Variants in ZNF536 observed in about 807,000 individuals in gnomAD.
The protein encoded by ZNF536 is zinc finger protein 536.
A neutral mutation model predicts 84.5 loss-of-function variants in ZNF536; 13 were observed. The observed-to-expected ratio is 0.15, with a 90% CI of 0.10 to 0.24. The LOEUF (loss-of-function observed/expected upper bound fraction) is 0.24, where lower values mean the gene tolerates loss of function less well. Ranked by LOEUF, ZNF536 falls within the 10% of genes least tolerant of loss-of-function variation. The probability of loss-of-function intolerance (pLI) is 1.00; values close to 1 mark genes in which losing one functional copy is unlikely to be tolerated. For synonymous variants in ZNF536, 811 were observed against 742.5 expected, an observed-to-expected ratio of 1.09 and a Z score of -1.50; for missense variants, 1,536 against 1,747.5, an observed-to-expected ratio of 0.88 and a Z score of 2.16.
At chr19:30,667,213 C>A (rs540210477) in intron 1 of ZNF536, among the ~76,000 whole-genome samples, 1 of 152,340 alleles carries the variant, frequency 6.6e-6, no homozygotes, top group African/African-American at 2.4e-5. Flanking sequence ...CTGTCTCCAT[C>A]TGAATTCATT....
At chr19:30,405,709 C>T (rs1272698526) in intron 1 of ZNF536, among the ~76,000 whole-genome samples, 2 of 152,110 alleles carry the variant, frequency 1.3e-5, no homozygotes, top group African/African-American at 2.4e-5. Flanking sequence ...TCCACCTTTG[C>T]ATCCTGCCTA....
At chr19:30,571,253 TC>T (rs1205948572) in intron 1 of ZNF536, among the ~76,000 whole-genome samples, 2 of 152,178 alleles carry the variant, frequency 1.3e-5, no homozygotes, top group African/African-American at 4.8e-5. Context: ...TCAAGCTGTG[TC>T]CCCAGTAGAG....
intron 1 of ZNF536, among the ~76,000 whole-genome samples, chr19:30,669,216 G>C (rs1324897551): frequency 6.6e-6 from 1 of 152,234 alleles, no homozygotes; most frequent in African/African-American, 2.4e-5. Flanking sequence ...GAAATGACAC[G>C]ACCTGCAGCT....
intron 2 of ZNF536, among the ~76,000 whole-genome samples, chr19:30,484,794 C>A (rs1369786891): frequency 6.6e-6 from 1 of 151,070 alleles, no homozygotes; most frequent in African/African-American, 2.4e-5. Context: ...AACATCTCTT[C>A]TTTGTTATAA....
intron 3 of ZNF536, among the ~76,000 whole-genome samples, chr19:30,352,822 C>G (rs1277568274): frequency 6.6e-6 from 1 of 152,210 alleles, no homozygotes; most frequent in Non-Finnish European, 1.5e-5. Context: ...AAGTTTTCTT[C>G]TGAGATAAAG....
rs1158403819 is a variant in ZNF536, at chr19:30,228,947, G to T, written c.-190+274G>T. Among the ~76,000 whole-genome samples, 1 of 151,650 alleles carries T rather than the reference G, an allele frequency of 6.6e-6. No individual in the cohort carries two copies. Among genetic ancestry groups the T allele is most frequent in the East Asian group, 1.9e-4 (1 of 5,166 alleles). ...GAGACTCGGGAGGCGATCTTGGGGG[G>T]CGCGCGGTCGCAGTTGGGCATCTTG... On this transcript the variant is annotated intron_variant, in intron 1 of 5. Coordinates refer to the ZNF536 transcript ENST00000585628. This position sits in a 1 kb window ranked among gnomAD's most constrained non-coding sequence, Gnocchi z 4.5.
intron 2 of ZNF536, among the ~76,000 whole-genome samples, chr19:30,474,177 A>G (rs543214284): frequency 1.3e-5 from 2 of 152,260 alleles, no homozygotes; most frequent in South Asian, 4.1e-4. Context: ...TGTTTAGTGG[A>G]TGTTGACGCC....
rs149698556 is a variant in ZNF536 at position 30,451,487 on chromosome 19, G to A, written c.2170+5755G>A. On this transcript the variant is annotated intron_variant, in intron 2 of 4. Transcript: ENST00000355537. ...CCCTTTACATGGAGCCATAAATCCCGCTTCTCCGGGGCTGCTTGATGCCAG... is the reference window on the plus strand; with the variant it reads ...CCCTTTACATGGAGCCATAAATCCCACTTCTCCGGGGCTGCTTGATGCCAG... Among the ~76,000 whole-genome samples, 145 of 152,298 alleles carry A rather than the reference G, an allele frequency of 9.5e-4. 5 individuals are homozygous for A. The highest frequency in any genetic ancestry group is 3.4e-3 in the African/African-American group (140 of 41,566).
At chr19:30,458,018 C>T (rs772680077) in intron 2 of ZNF536, among the ~76,000 whole-genome samples, 5 of 152,140 alleles carry the variant, frequency 3.3e-5, no homozygotes, top group South Asian at 4.1e-4. Flanking sequence ...AGTCAATTGC[C>T]CTTTATCTTC....
chr19:30,386,980 C>T (rs2049370046), intron 1 of ZNF536, among the ~76,000 whole-genome samples: 1 of 152,328 alleles, frequency 6.6e-6, no homozygotes, highest in South Asian at 2.1e-4. Context: ...TAAGATAACA[C>T]ATTGACATCT....
At chr19:30,619,874 C>A (rs1408007283) in intron 1 of ZNF536, among the ~76,000 whole-genome samples, 2 of 152,164 alleles carry the variant, frequency 1.3e-5, no homozygotes, top group Non-Finnish European at 2.9e-5. Context: ...CCAATAGGTG[C>A]CAGGCAAGTG....
intron 1 of ZNF536, among the ~76,000 whole-genome samples, chr19:30,388,284 T>C (rs1568382045): frequency 6.6e-6 from 1 of 152,174 alleles, no homozygotes; most frequent in Non-Finnish European, 1.5e-5. Flanking sequence ...TTCTGGGTCT[T>C]GGTGCTGTTG....
At chr19:30,691,718 AAGGCATCATCAG>A (rs1397273244) in intron 1 of ZNF536, among the ~76,000 whole-genome samples, 48 of 152,290 alleles carry the variant, frequency 3.2e-4, no homozygotes, top group African/African-American at 1.1e-3. Flanking sequence ...AGGGCTTCAG[AAGGCATCATCAG>A]AGTTTTAAAA....
At position 30,592,527 on chromosome 19, in the gene ZNF536, G is replaced by T. The variant is rs143709806; in HGVS notation, c.169+43013G>T. ...TCTTTATTTTTGTCAAGCTAAAGAT[G>T]CAGATTATCAGATAAGCAGCACACC... On this transcript the variant is annotated intron_variant, in intron 1 of 1. Coordinates refer to the ZNF536 transcript ENST00000592773. Among the ~76,000 whole-genome samples the T allele has an allele frequency of 1.7e-3, 262 of 152,274 alleles. 3 individuals are homozygous for T. Among genetic ancestry groups the T allele is most frequent in the Middle Eastern group, 6.8e-3 (2 of 294 alleles).
Position 30,574,746 on chromosome 19 carries a change from G to A in ZNF536, c.169+25232G>A, listed in dbSNP as rs145324201. ...AAACTGAAGGTATGCACTTCATCATGATCAAGTGTATAGATCTATCTGTTT... is the reference window on the plus strand; with the variant it reads ...AAACTGAAGGTATGCACTTCATCATAATCAAGTGTATAGATCTATCTGTTT... On this transcript the variant is annotated intron_variant, in intron 1 of 1. Coordinates refer to the ZNF536 transcript ENST00000592773. 4.2e-4 allele frequency among the ~76,000 whole-genome samples: 64 copies of A among 152,336 alleles called. 2 individuals are homozygous for A. The East Asian group carries it at 0.012, about 28-fold the overall frequency.
intron 1 of ZNF536, among the ~76,000 whole-genome samples, chr19:30,630,941 AAAATTCAGTGGAC>A (rs1568619361): frequency 1.3e-5 from 2 of 152,214 alleles, no homozygotes; most frequent in African/African-American, 2.4e-5. Flanking sequence ...GAAATCCTAA[AAAATTCAGTGGAC>A]AAAGGGATGT....
chr19:30,517,403 C>A (rs1456281896), intron 2 of ZNF536, among the ~76,000 whole-genome samples: 2 of 152,058 alleles, frequency 1.3e-5, no homozygotes, highest in Admixed American at 1.3e-4. Flanking sequence ...TGGGGGCCAG[C>A]CAGGTAGTGA....
intron 1 of ZNF536, among the ~76,000 whole-genome samples, chr19:30,701,181 T>G (rs947455320): frequency 4.9e-5 from 6 of 122,182 alleles, no homozygotes; most frequent in Non-Finnish European, 8.3e-5. Flanking sequence ...GCATGTGCTA[T>G]ATCTCACTCT....
rs565387236 is a variant in ZNF536 at position 30,445,053 on chromosome 19, G to A, written c.1491G>A (p.Pro497=). ...TGGGATGCCTCAATCTCGTGCCGCC[G>A]CTGAAATCCAGCTGCATCGAGCGGC... ...SLLGCLNLVP[P]LKSSCIERLQ... is the part of the protein sequence containing the mutation. Residue 497 remains proline, a synonymous_variant, in exon 2 of 5, where the codon CCG becomes CCA. Coordinates refer to ENST00000355537, the MANE Select transcript of ZNF536 (RefSeq NM_014717.3). This position sits in a 1 kb window ranked among gnomAD's most constrained non-coding sequence, Gnocchi z 4.5. 9 of 1,613,496 alleles carry A rather than the reference G, an allele frequency of 5.6e-6. No homozygotes were observed. Among genetic ancestry groups the A allele is most frequent in the Admixed American group, 1.7e-5 (1 of 60,034 alleles).
Sources: gnomAD v4.1 joint callset for allele counts (sites outside exome capture counted in the v4.1 genomes callset) on GRCh38, gnomAD v4.1.1 for gene constraint, Gnocchi (gnomAD v3.1) non-coding constraint, MANE v1.5 for transcripts, NCBI Gene and HGNC (gene_info 2026-07-23, HGNC 2026-07-21) for gene names.